Variants in ATAD2 observed in about 807,000 individuals in gnomAD.
The protein encoded by ATAD2 is ATPase family AAA domain containing 2, also known as ATPase family AAA domain-containing protein 2.
In ATAD2, 62 loss-of-function variants were observed where a neutral mutation model predicts 168.9. The ratio of observed to expected loss-of-function variants is 0.37; its 90% CI spans 0.30 to 0.45. The LOEUF (loss-of-function observed/expected upper bound fraction) is 0.45. ATAD2 is among the 20% of genes least tolerant of loss of function. The probability of loss-of-function intolerance (pLI) is 1.00; values close to 1 mark genes in which losing one functional copy is unlikely to be tolerated. For synonymous variants in ATAD2, 613 were observed against 571.6 expected (o/e 1.07, Z -1.03); for missense variants, 1,419 against 1,667.8 (o/e 0.85, Z 2.60).
intron 24 of ATAD2, among the ~76,000 whole-genome samples, chr8:123,328,986 A>G (rs1000805595): frequency 2.6e-5 from 4 of 152,014 alleles, no homozygotes; most frequent in South Asian, 4.2e-4. Context: ...CATTTTTAGT[A>G]GAGACGGGGT....
chr8:123,400,264 G>GTT (rs1563871070), upstream of ATAD2, among the ~76,000 whole-genome samples: 1 of 152,208 alleles, frequency 6.6e-6, no homozygotes, highest in South Asian at 2.1e-4. This position sits in a 1 kb window ranked among gnomAD's most constrained non-coding sequence, Gnocchi z 4.5. Context: ...AATTGGCAGG[G>GTT]TTTTCCAGAG....
At chr8:123,330,641 C>T (rs897165574) in intron 24 of ATAD2, among the ~76,000 whole-genome samples, 4 of 152,156 alleles carry the variant, frequency 2.6e-5, no homozygotes, top group Admixed American at 2.6e-4. Flanking sequence ...GGATTACAGG[C>T]GTGAGCCACC....
intron 1 of ATAD2, among the ~76,000 whole-genome samples, chr8:123,415,866 T>C (rs1264180057): frequency 6.6e-6 from 1 of 152,246 alleles, no homozygotes; most frequent in Admixed American, 6.5e-5. Flanking sequence ...GTGCTGGGAT[T>C]ACAGGCGTGA....
chr8:123,364,559 C>T (rs567781503), intron 8 of ATAD2, among the ~76,000 whole-genome samples: 1 of 152,084 alleles, frequency 6.6e-6, no homozygotes, highest in African/African-American at 2.4e-5. Flanking sequence ...AACAACGTAT[C>T]AAAAAAGATA....
At chr8:123,401,772 C>G in intron 1 of ATAD2, 1 of 750,396 alleles carries the variant, frequency 1.3e-6, no homozygotes, top group Non-Finnish European at 2.4e-6. Flanking sequence ...GAATAGTTCT[C>G]AGATGGGGTG....
In ATAD2 at chr8:123,346,094, A is replaced by C; in HGVS notation, c.2524T>G (p.Cys842Gly). The C allele has an allele frequency of 6.5e-7, 1 of 1,530,122 alleles. No homozygotes were observed. Among genetic ancestry groups the C allele is most frequent in the Non-Finnish European group, 8.8e-7 (1 of 1,141,248 alleles). 94.8% of individuals were successfully genotyped at this position (1,530,122 alleles called of 1,614,324 possible). A position where few individuals can be genotyped will look rare whatever the true frequency, so the allele number is the denominator to read the frequency against. The change falls in exon 18 of 28, where the codon TGT becomes GGT. Residue 842 changes from cysteine to glycine, a missense_variant. By Grantham distance (159) the Cys-to-Gly change is radical (BLOSUM62 -3). Around this residue, in one of 5 missense-constraint regions of ATAD2, gnomAD observed 545 missense variants for 724.9 expected, o/e 0.75. Coordinates refer to ENST00000287394, the MANE Select transcript of ATAD2 (RefSeq NM_014109.4). ...GVSTTSPEET[C>G]AQVIREAKRT... Reference sequence around the variant, plus strand: ...GGGCACCAACAAATTACCTGGGCACATGTTTCTTCAGGGGATGTAGTACTA... The same window carrying C: ...GGGCACCAACAAATTACCTGGGCACCTGTTTCTTCAGGGGATGTAGTACTA...
intron 20 of ATAD2, 139 bp from the exon 21 acceptor site, chr8:123,337,960 G>A (rs2131302742): frequency 1.2e-6 from 1 of 810,138 alleles, no homozygotes; most frequent in East Asian, 2.8e-5. Flanking sequence ...AAATACAAAA[G>A]TATTACCATA....
chr8:123,374,914 G>A (rs574788829), intron 2 of ATAD2, among the ~76,000 whole-genome samples: 3 of 152,138 alleles, frequency 2.0e-5, no homozygotes, highest in African/African-American at 4.8e-5. Flanking sequence ...TATGTAGATC[G>A]TACCCTCATG....
At position 123,361,550 on chromosome 8, in the gene ATAD2, C is replaced by T. The variant is rs780154899; in HGVS notation, c.1146G>A (p.Arg382=). The part of the protein sequence containing the change: ...FERRRKRSRN[R]AINRCLPLNF... ...AATATGGCACTTACCTATTGATAGC[C>T]CTATTACGACTCCTTTTCCTCCGCC... The change falls in exon 9 of 28, where the codon AGG becomes AGA. Residue 382 remains arginine, a synonymous_variant. Coordinates refer to ENST00000287394, the MANE Select transcript of ATAD2 (RefSeq NM_014109.4). 6 of 1,612,458 alleles carry T rather than the reference C, an allele frequency of 3.7e-6. No individual in the cohort carries two copies. In the South Asian group the frequency reaches 6.6e-5, roughly 18 times the overall value.
chr8:123,411,044 T>G (rs538192067), intron 1 of ATAD2, among the ~76,000 whole-genome samples: 1 of 152,244 alleles, frequency 6.6e-6, no homozygotes, highest in Non-Finnish European at 1.5e-5. Context: ...TTGGAATCCA[T>G]GAGGCCAAGA....
intron 13 of ATAD2, among the ~76,000 whole-genome samples, chr8:123,353,045 T>A (rs113375572): frequency 0.028 from 4,247 of 150,974 alleles, 173 homozygotes; most frequent in African/African-American, 0.097. Flanking sequence ...CCAGCCTGGG[T>A]AACAGAGTAA....
chr8:123,409,399 A>G (rs1813119469), intron 1 of ATAD2, among the ~76,000 whole-genome samples: 1 of 152,252 alleles, frequency 6.6e-6, no homozygotes, highest in South Asian at 2.1e-4. Context: ...TTGTATTGAA[A>G]TGATCGCTTT....
chr8:123,361,729 A>G (rs1828831437), intron 8 of ATAD2, 83 bp from the exon 9 acceptor site: 2 of 1,093,132 alleles, frequency 1.8e-6, no homozygotes, highest in Non-Finnish European at 1.3e-6. Context: ...GAAATACCTA[A>G]TGCTCCAAAA....
At chr8:123,408,906 C>A (rs1276376084) in intron 1 of ATAD2, among the ~76,000 whole-genome samples, 1 of 151,836 alleles carries the variant, frequency 6.6e-6, no homozygotes, top group Non-Finnish European at 1.5e-5. Flanking sequence ...CAGCTCACTG[C>A]AACCTCCGCC....
chr8:123,320,017 T>A lies in ATAD2; in HGVS notation c.*1117A>T, dbSNP rs527693971. The A allele has an allele frequency of 6.6e-6, 1 of 152,298 alleles. No individual in the cohort carries two copies. Among genetic ancestry groups the A allele is most frequent in the African/African-American group, 2.4e-5 (1 of 41,572 alleles). The allele number at this position is 152,298 out of a possible 1,614,324, so 9.4% of individuals were successfully genotyped here. ...ATTTAAATGTTCTCAGTGACTGGCA[T>A]TGCTTTATGCATTACATAAGATAGT... On this transcript the variant is annotated 3_prime_UTR_variant, in exon 28 of 28. Transcript: ENST00000287394.
At position 123,360,872 on chromosome 8, in the gene ATAD2, G is replaced by T. The variant is rs534805243; in HGVS notation, c.1157+667C>A. Among the ~76,000 whole-genome samples the T allele has an allele frequency of 5.4e-5, 8 of 149,318 alleles. No homozygotes were observed. The South Asian group carries it at 1.5e-3, about 28-fold the overall frequency. On this transcript the variant is annotated intron_variant, in intron 9 of 27. Transcript: ENST00000287394. ...TATACATGGACTTACACTACAAGGA[G>T]TTATAAAATGAGTAAAGCCTTCCGT... is the stretch of plus-strand genomic sequence containing the variant.
At position 123,402,076 on chromosome 8, in the gene ATAD2, T is replaced by C. The variant is rs1813010299; in HGVS notation, c.-2281-901A>G. On this transcript the variant is annotated intron_variant, in intron 1 of 28. Coordinates refer to the ATAD2 transcript ENST00000521903. The surrounding 1 kb of genome is among the most constrained non-coding windows in gnomAD (Gnocchi z 4.8). ...CGGCCCAGATTGAGGGTGGCGTCCA[T>C]GGCCTGCACTCTTAGGAGAAGCGGC... 2.9e-6 allele frequency: 4 copies of C among 1,372,554 alleles called. No homozygotes were observed. The highest frequency in any genetic ancestry group is 3.4e-5 in the Admixed American group (2 of 58,626). 85.0% of individuals were successfully genotyped at this position (1,372,554 alleles called of 1,614,324 possible). A position where few individuals can be genotyped will look rare whatever the true frequency, so the allele number is the denominator to read the frequency against.
chr8:123,329,726 T>G (rs1827720366), intron 24 of ATAD2, among the ~76,000 whole-genome samples: 1 of 127,472 alleles, frequency 7.8e-6, no homozygotes, highest in Non-Finnish European at 1.5e-5. Context: ...CACTCTAGCT[T>G]GCGTGACGCA....
At chr8:123,401,088 C>T, upstream of ATAD2, 2 of 1,547,246 alleles carry the variant, frequency 1.3e-6, no homozygotes. Flanking sequence ...AGAAGGACCA[C>T]ACCACCCTCC....
Sources: gnomAD v4.1 joint callset for allele counts (sites outside exome capture counted in the v4.1 genomes callset) on GRCh38, gnomAD v4.1.1 for gene constraint, gnomAD v4.1.1 regional missense constraint, Gnocchi (gnomAD v3.1) non-coding constraint, MANE v1.5 for transcripts, NCBI Gene and HGNC (gene_info 2026-07-23, HGNC 2026-07-21) for gene names.